Variants in BCAT1 observed in about 807,000 individuals in gnomAD.
BCAT1 encodes branched-chain-amino-acid aminotransferase, cytosolic.
BCAT1 carries 48 observed loss-of-function variants against 52.4 expected under a neutral mutation model. The ratio of observed to expected loss-of-function variants is 0.92; its 90% CI spans 0.73 to 1.16. BCAT1 has a LOEUF of 1.16. Ranked by LOEUF, BCAT1 falls within the 50% of genes most tolerant of loss-of-function variation. The pLI is 0.00. For synonymous variants in BCAT1, 167 were observed against 161.3 expected, an observed-to-expected ratio of 1.04 and a Z score of -0.27; for missense variants, 451 against 457.1, an observed-to-expected ratio of 0.99 and a Z score of 0.12.
chr12:24,930,896 C>CT (rs5797108), intron 1 of BCAT1, among the ~76,000 whole-genome samples: 1,197 of 96,038 alleles, frequency 0.012, 10 homozygotes, highest in African/African-American at 0.015. Context: ...GAACAGGGCC[C>CT]TTTTTTTTTT....
chr12:24,841,016 A>C (rs1591796542), intron 7 of BCAT1, among the ~76,000 whole-genome samples: 1 of 152,240 alleles, frequency 6.6e-6, no homozygotes, highest in Admixed American at 6.5e-5. Context: ...ATTTAATTCA[A>C]TATCATACAC....
intron 1 of BCAT1, among the ~76,000 whole-genome samples, chr12:24,933,384 A>G (rs1040764325): frequency 1.3e-5 from 2 of 152,130 alleles, no homozygotes; most frequent in African/African-American, 4.8e-5. Context: ...TGGTCACTCA[A>G]TAGCAAAGCT....
intron 1 of BCAT1, 87 bp from the exon 2 acceptor site, chr12:24,901,972 G>A (rs377307213): frequency 1.2e-6 from 2 of 1,609,704 alleles, no homozygotes; most frequent in Non-Finnish European, 8.5e-7. Context: ...CCATGATACC[G>A]TGCGCTCCTC....
intron 3 of BCAT1, among the ~76,000 whole-genome samples, chr12:24,889,394 T>C (rs1288677392): frequency 2.0e-5 from 3 of 152,244 alleles, no homozygotes. Flanking sequence ...TATTACAGAC[T>C]GTATTTTCCA....
chr12:24,850,043 G>A (rs1321468837), intron 5 of BCAT1, 94 bp from the exon 6 acceptor site: 7 of 1,197,752 alleles, frequency 5.8e-6, no homozygotes, highest in Non-Finnish European at 7.8e-6. Context: ...CCCAGAAGAA[G>A]CCATCGAATT....
chr12:24,933,586 G>A (rs575764933), intron 1 of BCAT1, among the ~76,000 whole-genome samples: 1 of 152,230 alleles, frequency 6.6e-6, no homozygotes, highest in South Asian at 2.1e-4. Flanking sequence ...GAGGAACCTG[G>A]TCGAAGGTGA....
chr12:24,822,182 A>T (rs988342300), intron 10 of BCAT1, among the ~76,000 whole-genome samples: 1 of 152,254 alleles, frequency 6.6e-6, no homozygotes, highest in African/African-American at 2.4e-5. Context: ...AAGAAGAAAA[A>T]GGAAAAACGA....
At chr12:24,830,157 C>T (rs928213279) in intron 9 of BCAT1, 2 of 323,192 alleles carry the variant, frequency 6.2e-6, no homozygotes, top group Non-Finnish European at 1.1e-5. Flanking sequence ...GTATACCAGC[C>T]TTCAGGATCA....
intron 5 of BCAT1, 59 bp from the exon 6 acceptor site, chr12:24,850,008 G>A (rs1026500096): frequency 2.5e-5 from 35 of 1,407,180 alleles, no homozygotes; most frequent in Non-Finnish European, 3.3e-5. Context: ...CAGTCTTAAA[G>A]TCTAGAATAG....
intron 5 of BCAT1, 143 bp downstream of exon 5, chr12:24,878,387 T>C (rs1942404096): frequency 5.1e-6 from 4 of 789,720 alleles, no homozygotes; most frequent in Admixed American, 3.7e-5. Flanking sequence ...GTTTGCTACC[T>C]CTAATCTTGA....
intron 5 of BCAT1, among the ~76,000 whole-genome samples, chr12:24,866,834 A>T (rs557813647): frequency 6.6e-6 from 1 of 152,248 alleles, no homozygotes; most frequent in South Asian, 2.1e-4. Context: ...TGGACCAATC[A>T]GCAGGATGTG....
At chr12:24,892,083 T>C (rs1250638632) in intron 3 of BCAT1, among the ~76,000 whole-genome samples, 4 of 149,402 alleles carry the variant, frequency 2.7e-5, no homozygotes, top group Non-Finnish European at 5.9e-5. Flanking sequence ...TGTTTTGTTT[T>C]GTTTTGTTTT....
rs149339361 is a variant in BCAT1, at chr12:24,890,947, G to A, written c.279+3328C>T. Among the ~76,000 whole-genome samples, 198 of 152,258 alleles carry A rather than the reference G, an allele frequency of 1.3e-3. 1 individual carries two copies. The highest frequency in any genetic ancestry group is 4.5e-3 in the African/African-American group (185 of 41,534). ...TAATAACAGTGTGAGAATTGAATTGGAGGACACCCAGCTGGGGTTCACTGC... is the reference window on the plus strand; with the variant it reads ...TAATAACAGTGTGAGAATTGAATTGAAGGACACCCAGCTGGGGTTCACTGC... On this transcript the variant is annotated intron_variant, in intron 3 of 10. Coordinates refer to ENST00000261192, the MANE Select transcript of BCAT1 (RefSeq NM_005504.7).
chr12:24,948,774 T>C (rs1450408406), intron 1 of BCAT1, among the ~76,000 whole-genome samples, 153 bp downstream of exon 1: 2 of 152,126 alleles, frequency 1.3e-5, no homozygotes, highest in African/African-American at 4.8e-5. Flanking sequence ...CAAACTACGA[T>C]TGATAAAGAA....
chr12:24,834,094 G>A, intron 8 of BCAT1: 2 of 955,772 alleles, frequency 2.1e-6, no homozygotes, highest in Non-Finnish European at 2.5e-6. Context: ...CCAAAGTGCT[G>A]GGATTATAGT....
rs533239113 is a variant in BCAT1 at position 24,811,395 on chromosome 12, T to G, written c.*6613A>C. The G allele has an allele frequency of 6.6e-6, 1 of 152,206 alleles. No individual in the cohort carries two copies. Among genetic ancestry groups the G allele is most frequent in the East Asian group, 1.9e-4 (1 of 5,202 alleles). 9.4% of individuals were successfully genotyped at this position (152,206 alleles called of 1,614,324 possible). A position where few individuals can be genotyped will look rare whatever the true frequency, so the allele number is the denominator to read the frequency against. Reference sequence around the variant, plus strand: ...CTTTTGTTTTATTGATAACAGAAACTGTGCATAATTACAGATTTGATGAGG... The same window carrying G: ...CTTTTGTTTTATTGATAACAGAAACGGTGCATAATTACAGATTTGATGAGG... On this transcript the variant is annotated 3_prime_UTR_variant, in exon 11 of 11. Transcript: ENST00000261192.
chr12:24,884,853 T>C (rs1383266120), intron 3 of BCAT1, among the ~76,000 whole-genome samples: 1 of 152,200 alleles, frequency 6.6e-6, no homozygotes. Context: ...TATGATCATC[T>C]CATTAGATGT....
At chr12:24,882,252 A>T (rs1423672620) in intron 3 of BCAT1, among the ~76,000 whole-genome samples, 1 of 152,210 alleles carries the variant, frequency 6.6e-6, no homozygotes, top group Non-Finnish European at 1.5e-5. Context: ...ACTGGACACC[A>T]TCCATATTTT....
intron 5 of BCAT1, among the ~76,000 whole-genome samples, chr12:24,874,319 T>C (rs1942266907): frequency 6.6e-6 from 1 of 151,872 alleles, no homozygotes; most frequent in African/African-American, 2.4e-5. Context: ...ATCTCAAAAA[T>C]AAAATAAAAC....
Sources: allele counts gnomAD v4.1 joint callset (sites outside exome capture counted in the v4.1 genomes callset), GRCh38; gene constraint gnomAD v4.1.1; transcripts MANE v1.5; gene names NCBI Gene and HGNC (gene_info 2026-07-23, HGNC 2026-07-21).